The following WWOX variants were observed in gnomAD, a reference collection of about 807,000 sequenced individuals.
WWOX encodes WW domain containing oxidoreductase.
WWOX carries 69 observed loss-of-function variants against 46.2 expected under a neutral mutation model. The observed-to-expected ratio is 1.49, with a 90% CI of 1.23 to 1.82. WWOX has a LOEUF of 1.82. Among genes scored for constraint, WWOX ranks in the 40% most tolerant of loss-of-function variants. The probability of loss-of-function intolerance (pLI) is 0.00; values close to 1 mark genes in which losing one functional copy is unlikely to be tolerated. For missense variants in WWOX, 919 were observed against 542.6 expected (o/e 1.69, Z -6.89); for synonymous variants, 359 against 202.6 (o/e 1.77, Z -6.56).
At chr16:78,444,252 T>C (rs1040153802) in intron 8 of WWOX, among the ~76,000 whole-genome samples, 1 of 152,198 alleles carries the variant, frequency 6.6e-6, no homozygotes, top group African/African-American at 2.4e-5. Context: ...GAGTGTGTTC[T>C]CTTTAGATAA....
intron 8 of WWOX, among the ~76,000 whole-genome samples, chr16:78,480,117 T>C (rs2084450956): frequency 6.6e-6 from 1 of 152,178 alleles, no homozygotes; most frequent in Non-Finnish European, 1.5e-5. Flanking sequence ...CACTGTCCAA[T>C]ATGGTAGCCA....
At chr16:79,003,446 C>T (rs1438142832) in intron 8 of WWOX, among the ~76,000 whole-genome samples, 2 of 152,236 alleles carry the variant, frequency 1.3e-5, no homozygotes, top group South Asian at 2.1e-4. Flanking sequence ...AAGGTGTACC[C>T]CTCAATTTAC....
chr16:78,938,771 T>A (rs2045793491), intron 8 of WWOX, among the ~76,000 whole-genome samples: 1 of 152,026 alleles, frequency 6.6e-6, no homozygotes, highest in Non-Finnish European at 1.5e-5. Flanking sequence ...AAGTGAGGTA[T>A]GGCCCATTAT....
At chr16:78,392,275 G>C (rs2082192543) in intron 6 of WWOX, among the ~76,000 whole-genome samples, 1 of 152,032 alleles carries the variant, frequency 6.6e-6, no homozygotes, top group Admixed American at 6.6e-5. Context: ...TCCCTATTGT[G>C]AGCCACACAT....
intron 8 of WWOX, among the ~76,000 whole-genome samples, chr16:79,059,074 T>C (rs1008073176): frequency 1.3e-5 from 2 of 152,234 alleles, no homozygotes; most frequent in African/African-American, 4.8e-5. Flanking sequence ...ATAGGAAATA[T>C]CTCCTTTTGA....
intron 4 of WWOX, among the ~76,000 whole-genome samples, chr16:78,132,270 C>G (rs926297474): frequency 6.6e-6 from 1 of 152,008 alleles, no homozygotes; most frequent in East Asian, 1.9e-4. Context: ...TCGTGATCTG[C>G]CCACCTCAGC....
intron 8 of WWOX, among the ~76,000 whole-genome samples, chr16:78,568,956 G>T (rs1281899802): frequency 6.6e-6 from 1 of 152,142 alleles, no homozygotes; most frequent in Non-Finnish European, 1.5e-5. Flanking sequence ...TTCTACCTTA[G>T]CTATGTAAAC....
intron 8 of WWOX, among the ~76,000 whole-genome samples, chr16:78,618,305 G>A (rs1224983394): frequency 6.6e-6 from 1 of 152,194 alleles, no homozygotes; most frequent in Non-Finnish European, 1.5e-5. Context: ...AATACCACAG[G>A]TCAGGTGGCT....
chr16:78,612,871 A>T (rs2045932846), intron 8 of WWOX, among the ~76,000 whole-genome samples: 1 of 152,236 alleles, frequency 6.6e-6, no homozygotes, highest in South Asian at 2.1e-4. Context: ...GGCATTCAGC[A>T]TAGTCCCTTA....
At chr16:78,199,268 G>A (rs969054429) in intron 5 of WWOX, among the ~76,000 whole-genome samples, 3 of 151,972 alleles carry the variant, frequency 2.0e-5, no homozygotes, top group Non-Finnish European at 2.9e-5. Context: ...AGCCCAGATC[G>A]CACCACTGCA....
intron 8 of WWOX, among the ~76,000 whole-genome samples, chr16:78,830,691 G>A (rs904087873): frequency 2.6e-5 from 4 of 151,748 alleles, no homozygotes; most frequent in African/African-American, 7.3e-5. Flanking sequence ...AGGTACGGCC[G>A]TGCAGCTTTC....
At chr16:78,459,682 G>A (rs540994175) in intron 8 of WWOX, among the ~76,000 whole-genome samples, 45 of 152,258 alleles carry the variant, frequency 3.0e-4, no homozygotes, top group African/African-American at 8.7e-4. Flanking sequence ...CTTGGAAGTC[G>A]TCTTCTGGTT....
intron 8 of WWOX, among the ~76,000 whole-genome samples, chr16:78,564,537 A>G (rs181741679): frequency 1.3e-5 from 2 of 152,308 alleles, no homozygotes; most frequent in Admixed American, 1.3e-4. Flanking sequence ...GTGAGTGTTA[A>G]CACACAGAGA....
intron 8 of WWOX, among the ~76,000 whole-genome samples, chr16:78,721,589 G>A (rs1293520458): frequency 6.6e-6 from 1 of 152,268 alleles, no homozygotes; most frequent in East Asian, 1.9e-4. Flanking sequence ...AACCACTTGT[G>A]TTAGAAATAT....
chr16:78,104,581 C>T (rs1341716744), intron 1 of WWOX, among the ~76,000 whole-genome samples: 3 of 151,982 alleles, frequency 2.0e-5, no homozygotes, highest in African/African-American at 7.3e-5. Flanking sequence ...AATTTGAATC[C>T]TTTGGTTTAA....
At chr16:78,991,329 C>T (rs1271363254) in intron 8 of WWOX, among the ~76,000 whole-genome samples, 1 of 152,152 alleles carries the variant, frequency 6.6e-6, no homozygotes, top group Non-Finnish European at 1.5e-5. Context: ...CACAGTGGCT[C>T]ACGCCTGTAA....
chr16:78,658,042 T>G (rs1165829105), intron 8 of WWOX, among the ~76,000 whole-genome samples: 2 of 152,132 alleles, frequency 1.3e-5, no homozygotes, highest in African/African-American at 4.8e-5. Flanking sequence ...GGCCAGGAGA[T>G]TCTTTGTTGG....
intron 5 of WWOX, among the ~76,000 whole-genome samples, chr16:78,353,763 G>C (rs549496340): frequency 5.1e-4 from 72 of 140,100 alleles, no homozygotes; most frequent in Non-Finnish European, 1.0e-3. Flanking sequence ...CCTTTGCTCA[G>C]AGCCACATCA....
intron 8 of WWOX, among the ~76,000 whole-genome samples, chr16:78,594,450 A>C (rs1386750665): frequency 1.3e-3 from 23 of 18,254 alleles, no homozygotes; most frequent in Non-Finnish European, 2.1e-3. Context: ...CCCCCCGCCA[A>C]ATTGTCCCGT....
Sources: gnomAD v4.1 joint callset for allele counts (sites outside exome capture counted in the v4.1 genomes callset) on GRCh38, gnomAD v4.1.1 for gene constraint, MANE v1.5 for transcripts, NCBI Gene and HGNC (gene_info 2026-07-23, HGNC 2026-07-21) for gene names.